Variants in PLCB1 observed in about 807,000 individuals in gnomAD.
PLCB1 encodes the protein 1-phosphatidylinositol 4,5-bisphosphate phosphodiesterase beta-1.
A neutral mutation model predicts 161.8 loss-of-function variants in PLCB1; 46 were observed. The observed-to-expected ratio is 0.28, with a 90% CI of 0.22 to 0.36. The LOEUF (loss-of-function observed/expected upper bound fraction) is 0.36. PLCB1 is among the 10% of genes least tolerant of loss of function. PLCB1 has a pLI of 1.00. For missense variants in PLCB1, 1,016 were observed against 1,472.5 expected, an observed-to-expected ratio of 0.69 and a Z score of 5.07; for synonymous variants, 517 against 503.7, an observed-to-expected ratio of 1.03 and a Z score of -0.35.
At chr20:8,546,313 CAAA>C (rs369485988) in intron 3 of PLCB1, among the ~76,000 whole-genome samples, 33 of 102,934 alleles carry the variant, frequency 3.2e-4, no homozygotes, top group African/African-American at 1.2e-3. Context: ...GACTCTATCT[CAAA>C]AAAAAAAAAA....
intron 2 of PLCB1, among the ~76,000 whole-genome samples, chr20:8,288,626 G>A (rs6077342): frequency 0.36 from 54,587 of 151,738 alleles, 10,730 homozygotes; most frequent in African/African-American, 0.51. Context: ...AGGCATCTTC[G>A]GCCAGGGTGG....
intron 31 of PLCB1, among the ~76,000 whole-genome samples, chr20:8,808,972 A>AT (rs1568607865): frequency 6.6e-6 from 1 of 152,032 alleles, no homozygotes; most frequent in Non-Finnish European, 1.5e-5. Flanking sequence ...TCATTTACCA[A>AT]TTTTTTCCTA....
At chr20:8,179,540 G>A (rs945372112) in intron 2 of PLCB1, among the ~76,000 whole-genome samples, 18 of 152,158 alleles carry the variant, frequency 1.2e-4, no homozygotes, top group African/African-American at 4.1e-4. Context: ...TTTGGGCAGA[G>A]GCAATAGGGT....
intron 3 of PLCB1, among the ~76,000 whole-genome samples, chr20:8,400,567 C>A (rs1978505529): frequency 1.3e-5 from 2 of 152,144 alleles, no homozygotes; most frequent in Admixed American, 1.3e-4. Flanking sequence ...TTCCCTTCCC[C>A]TGAGGCAAGG....
At chr20:8,147,061 A>G (rs560433138) in intron 1 of PLCB1, among the ~76,000 whole-genome samples, 20 of 152,306 alleles carry the variant, frequency 1.3e-4, no homozygotes, top group African/African-American at 3.4e-4. Context: ...TCTTGGAGGT[A>G]AACATCATCC....
intron 31 of PLCB1, among the ~76,000 whole-genome samples, chr20:8,821,544 TATATATATATATA>T (rs1985413909): frequency 1.1e-5 from 1 of 91,700 alleles, no homozygotes; most frequent in Non-Finnish European, 2.2e-5. Flanking sequence ...TATATATATA[TATATATATATATA>T]TTTAAATGAC....
intron 3 of PLCB1, among the ~76,000 whole-genome samples, chr20:8,517,726 G>A (rs2122872132): frequency 6.6e-6 from 1 of 152,250 alleles, no homozygotes; most frequent in East Asian, 1.9e-4. Flanking sequence ...TCTCTGGATT[G>A]GCTACTCCTG....
intron 11 of PLCB1, among the ~76,000 whole-genome samples, chr20:8,698,398 T>A (rs1451519251): frequency 6.6e-6 from 1 of 152,200 alleles, no homozygotes; most frequent in East Asian, 1.9e-4. Context: ...ATGACTTGCT[T>A]TTTTCACTCC....
intron 31 of PLCB1, among the ~76,000 whole-genome samples, chr20:8,807,355 A>G (rs756877770): frequency 5.3e-5 from 8 of 152,226 alleles, no homozygotes; most frequent in Admixed American, 4.6e-4. Context: ...ATTAACAGCT[A>G]TAGATTGCTA....
chr20:8,515,105 T>C (rs1403217339), intron 3 of PLCB1, among the ~76,000 whole-genome samples: 1 of 152,050 alleles, frequency 6.6e-6, no homozygotes, highest in African/African-American at 2.4e-5. Flanking sequence ...GAAGGTAAAA[T>C]GTTAAAATCA....
At chr20:8,750,687 T>A in intron 23 of PLCB1, 1 of 396,656 alleles carries the variant, frequency 2.5e-6, no homozygotes, top group South Asian at 2.1e-5. Context: ...ATTATCTAAT[T>A]TCATTCAACT....
intron 2 of PLCB1, among the ~76,000 whole-genome samples, chr20:8,205,803 A>G (rs988445414): frequency 1.3e-5 from 2 of 152,064 alleles, no homozygotes; most frequent in East Asian, 3.9e-4. Context: ...GGGGCATGGG[A>G]GAAGGGGTTG....
intron 2 of PLCB1, among the ~76,000 whole-genome samples, chr20:8,307,316 A>G (rs1036633903): frequency 6.6e-6 from 1 of 152,154 alleles, no homozygotes; most frequent in Non-Finnish European, 1.5e-5. Flanking sequence ...AGCAGAAATG[A>G]CTTTCCTTCT....
At chr20:8,267,346 C>CCACCCACTGCCTTCTGG (rs1982021240) in intron 2 of PLCB1, among the ~76,000 whole-genome samples, 1 of 152,092 alleles carries the variant, frequency 6.6e-6, no homozygotes, top group African/African-American at 2.4e-5. Flanking sequence ...CTGCCTTCTG[C>CCACCCACTGCCTTCTGG]GGGGTAGCCT....
intron 27 of PLCB1, among the ~76,000 whole-genome samples, chr20:8,787,704 A>G (rs754623538): frequency 5.9e-5 from 9 of 152,248 alleles, no homozygotes; most frequent in Admixed American, 1.3e-4. Flanking sequence ...CATCAAGTGA[A>G]TATTAGGAAT....
intron 2 of PLCB1, among the ~76,000 whole-genome samples, chr20:8,293,583 A>G (rs1983484342): frequency 1.3e-5 from 2 of 151,480 alleles, no homozygotes; most frequent in Admixed American, 1.3e-4. Flanking sequence ...GTCTGGTGCC[A>G]TTGTCTTGAT....
intron 31 of PLCB1, among the ~76,000 whole-genome samples, chr20:8,831,950 CTTT>C (rs1986022401): frequency 1.1e-5 from 1 of 91,478 alleles, no homozygotes. Flanking sequence ...TTCTTTCTTT[CTTT>C]CTTTCTTTCT....
intron 2 of PLCB1, among the ~76,000 whole-genome samples, chr20:8,237,326 A>T (rs1021755665): frequency 2.6e-5 from 4 of 152,048 alleles, no homozygotes; most frequent in Non-Finnish European, 5.9e-5. Flanking sequence ...AAATATGTTC[A>T]TGCTCTAGTG....
At chr20:8,803,775 T>G (rs1358064066) in intron 31 of PLCB1, among the ~76,000 whole-genome samples, 1 of 149,544 alleles carries the variant, frequency 6.7e-6, no homozygotes, top group African/African-American at 2.5e-5. Context: ...TAGTTTTGTG[T>G]TTTTTGTTTG....
Sources: gnomAD v4.1 joint callset for allele counts (sites outside exome capture counted in the v4.1 genomes callset) on GRCh38, gnomAD v4.1.1 for gene constraint, MANE v1.5 for transcripts, NCBI Gene and HGNC (gene_info 2026-07-23, HGNC 2026-07-21) for gene names.